HBEGF: variants seen among roughly 807,000 people sequenced by gnomAD.
HBEGF encodes proheparin-binding EGF-like growth factor.
In HBEGF, 8 loss-of-function variants were observed where a neutral mutation model predicts 19.5. The observed-to-expected ratio is 0.41, with a 90% CI of 0.24 to 0.74. The LOEUF (loss-of-function observed/expected upper bound fraction) is 0.74. Among genes scored for constraint, HBEGF ranks in the 30% least tolerant of loss-of-function variants. The pLI, the probability that HBEGF is intolerant of heterozygous loss-of-function variation, is 0.32. For missense variants in HBEGF, 207 were observed against 256.9 expected, an observed-to-expected ratio of 0.81 and a Z score of 1.33; for synonymous variants, 97 against 108.9, an observed-to-expected ratio of 0.89 and a Z score of 0.68.
chr5:140,342,987 A>G, intron 2 of HBEGF, 175 bp from the exon 3 acceptor site: 2 of 644,772 alleles, frequency 3.1e-6, no homozygotes, highest in Non-Finnish European at 5.4e-6. Context: ...ATTGGGCAGA[A>G]CCACCAGAAA....
chr5:140,342,370 T>C (rs1443436566), intron 3 of HBEGF, among the ~76,000 whole-genome samples: 3 of 152,200 alleles, frequency 2.0e-5, no homozygotes, highest in Non-Finnish European at 4.4e-5. Flanking sequence ...CCAGCTGTCC[T>C]AGCCACATGC....
chr5:140,336,984 A>T (rs1477176449), intron 3 of HBEGF, among the ~76,000 whole-genome samples: 1 of 151,832 alleles, frequency 6.6e-6, no homozygotes, highest in Admixed American at 6.6e-5. Flanking sequence ...GCCCGCCACC[A>T]CGCCCAGCTA....
chr5:140,343,473 C>T (rs1311373179), intron 2 of HBEGF, among the ~76,000 whole-genome samples: 1 of 152,230 alleles, frequency 6.6e-6, no homozygotes, highest in African/African-American at 2.4e-5. Context: ...ATACCCTTTA[C>T]AGCTCACCCA....
rs1233105271 is a variant in HBEGF, at chr5:140,346,377, G to A, written c.-49C>T. Reference sequence around the variant, plus strand: ...CGAGGCACCAGTCACTTTCGAAGCGGCGGCCACTGGGCGCTGGCACCAGAG... The same window carrying A: ...CGAGGCACCAGTCACTTTCGAAGCGACGGCCACTGGGCGCTGGCACCAGAG... On this transcript the variant is annotated 5_prime_UTR_variant, in exon 1 of 6. Coordinates refer to ENST00000230990, the MANE Select transcript of HBEGF (RefSeq NM_001945.3). The surrounding 1 kb of genome is among the most constrained non-coding windows in gnomAD (Gnocchi z 6.1). The A allele has an allele frequency of 1.5e-5, 23 of 1,578,730 alleles. No individual in the cohort carries two copies. The highest frequency in any genetic ancestry group is 1.9e-5 in the Non-Finnish European group (22 of 1,162,314).
At chr5:140,339,603 A>C (rs903535890) in intron 3 of HBEGF, among the ~76,000 whole-genome samples, 1 of 152,118 alleles carries the variant, frequency 6.6e-6, no homozygotes, top group African/African-American at 2.4e-5. Flanking sequence ...TATGTTGGCC[A>C]GGCTGGTCTC....
Position 140,333,595 on chromosome 5 carries a change from G to C in HBEGF, c.*704C>G, listed in dbSNP as rs2126715237. ...AGCCAGATTGTGGGGATGAGGAGTG[G>C]AGGGCCAGGAAATTGCCAAAGTAAC... On this transcript the variant is annotated 3_prime_UTR_variant, in exon 6 of 6. Transcript: ENST00000230990. 6.5e-6 allele frequency: 1 copy of C among 152,792 alleles called. No individual in the cohort carries two copies. Among genetic ancestry groups the C allele is most frequent in the East Asian group, 1.9e-4 (1 of 5,196 alleles). The allele number at this position is 152,792 out of a possible 1,614,324, so 9.5% of individuals were successfully genotyped here.
intron 3 of HBEGF, among the ~76,000 whole-genome samples, chr5:140,340,129 T>C (rs916113427): frequency 7.0e-6 from 1 of 142,292 alleles, no homozygotes; most frequent in East Asian, 2.1e-4. Context: ...TCCACAAAAA[T>C]TTAAAAATTA....
At chr5:140,340,878 T>C (rs1426756705) in intron 3 of HBEGF, among the ~76,000 whole-genome samples, 1 of 152,214 alleles carries the variant, frequency 6.6e-6, no homozygotes, top group African/African-American at 2.4e-5. Context: ...TATTTCCAAC[T>C]ACTTATTTAG....
rs757699224 is a variant in HBEGF, at chr5:140,342,650, C to A, written c.383G>T (p.Arg128Leu). Residue 128 changes from arginine to leucine, a missense_variant, in exon 3 of 6, where the codon CGG (arginine) becomes CTG (leucine). Arg to Leu is a moderately radical substitution (Grantham distance 102). Transcript: ENST00000230990. ...HGECKYVKEL[R>L]APSCICHPGY... ...GGGCACTTACATGCAGGAGGGAGCC[C>A]GGAGCTCCTTCACATATTTGCATTC... 1 of 1,614,114 alleles carries A rather than the reference C, an allele frequency of 6.2e-7. No individual in the cohort carries two copies. The highest frequency in any genetic ancestry group is 1.1e-5 in the South Asian group (1 of 91,086).
At chr5:140,345,742 G>A (rs1239229960) in intron 2 of HBEGF, among the ~76,000 whole-genome samples, 169 bp downstream of exon 2, 1 of 152,050 alleles carries the variant, frequency 6.6e-6, no homozygotes, top group East Asian at 1.9e-4. Flanking sequence ...GAGAGAGAGT[G>A]GGACCTATAT....
chr5:140,336,180 T>C (rs1313586011), intron 3 of HBEGF, among the ~76,000 whole-genome samples, 153 bp from the exon 4 acceptor site: 4 of 152,160 alleles, frequency 2.6e-5, no homozygotes, highest in Non-Finnish European at 5.9e-5. Flanking sequence ...TCTCCTCTAG[T>C]AGAAAACTCT....
At chr5:140,338,645 C>T (rs567958523) in intron 3 of HBEGF, among the ~76,000 whole-genome samples, 17 of 152,206 alleles carry the variant, frequency 1.1e-4, no homozygotes, top group Non-Finnish European at 2.4e-4. Flanking sequence ...ACCTACCTCC[C>T]CCTCCCTTTG....
intron 2 of HBEGF, among the ~76,000 whole-genome samples, chr5:140,345,198 G>A (rs4150200): frequency 5.9e-5 from 9 of 152,186 alleles, no homozygotes; most frequent in Non-Finnish European, 1.2e-4. Context: ...AGGAGAGCTG[G>A]CAGGCTCTGG....
chr5:140,336,222 C>G lies in HBEGF; in HGVS notation c.399-195G>C, dbSNP rs184711012. 2.5e-3 allele frequency among the ~76,000 whole-genome samples: 374 copies of G among 152,282 alleles called. 1 individual carries two copies. The highest frequency in any genetic ancestry group is 8.7e-3 in the African/African-American group (361 of 41,548). The stretch of plus-strand genomic sequence containing the variant: ...CCCCTCTGAAAGCTCTGTAGCATTC[C>G]TCTCTCACTTGACACCCTCCCCTTT... On this transcript the variant is annotated intron_variant, in intron 3 of 5. Coordinates refer to ENST00000230990, the MANE Select transcript of HBEGF (RefSeq NM_001945.3).
chr5:140,337,053 A>G (rs1184249530), intron 3 of HBEGF, among the ~76,000 whole-genome samples: 1 of 151,132 alleles, frequency 6.6e-6, no homozygotes, highest in Non-Finnish European at 1.5e-5. Flanking sequence ...CTGGTCTCAA[A>G]CTCCTGACCT....
chr5:140,336,942 C>T (rs1430476646), intron 3 of HBEGF, among the ~76,000 whole-genome samples: 2 of 150,872 alleles, frequency 1.3e-5, no homozygotes, highest in African/African-American at 4.9e-5. Flanking sequence ...GATTCTCCTG[C>T]CCCAGCCTCC....
At chr5:140,336,147 G>A (rs1243260756) in intron 3 of HBEGF, 120 bp from the exon 4 acceptor site, 4 of 954,990 alleles carry the variant, frequency 4.2e-6, no homozygotes, top group East Asian at 2.5e-5. Context: ...CCCTGACCAC[G>A]ATCCCTGCCC....
At position 140,333,026 on chromosome 5, in the gene HBEGF, C is replaced by G. The variant is rs1032996537; in HGVS notation, c.*1273G>C. 1 of 152,608 alleles carries G rather than the reference C, an allele frequency of 6.6e-6. No homozygotes were observed. The highest frequency in any genetic ancestry group is 1.9e-4 in the East Asian group (1 of 5,190). The allele number at this position is 152,608 out of a possible 1,614,324, so 9.5% of individuals were successfully genotyped here. A position where few individuals can be genotyped will look rare whatever the true frequency, so the allele number is the denominator to read the frequency against. ...AAGCCTTCCCCACCTCCAACCTTCT[C>G]GGTAGCAATTGGCAGGTAATCAGTT... On this transcript the variant is annotated 3_prime_UTR_variant, in exon 6 of 6. Coordinates refer to ENST00000230990, the MANE Select transcript of HBEGF (RefSeq NM_001945.3).
chr5:140,340,172 G>C (rs1351261416), intron 3 of HBEGF, among the ~76,000 whole-genome samples: 1 of 151,950 alleles, frequency 6.6e-6, no homozygotes, highest in African/African-American at 2.4e-5. Flanking sequence ...TGTAATACCA[G>C]CTGCTCAGGA....
Sources: allele counts gnomAD v4.1 joint callset (sites outside exome capture counted in the v4.1 genomes callset), GRCh38; gene constraint gnomAD v4.1.1; non-coding constraint Gnocchi (gnomAD v3.1); transcripts MANE v1.5; gene names NCBI Gene and HGNC (gene_info 2026-07-23, HGNC 2026-07-21).